The following ADGRB3 variants were observed in gnomAD, a reference collection of about 807,000 sequenced individuals.
ADGRB3 encodes brain-specific angiogenesis inhibitor 3.
Under a neutral mutation model 193.4 loss-of-function variants are expected in ADGRB3, and 37 were observed. The ratio of observed to expected loss-of-function variants is 0.19; its 90% CI spans 0.15 to 0.25. ADGRB3 has a LOEUF of 0.25. Ranked by LOEUF, ADGRB3 falls within the 10% of genes least tolerant of loss-of-function variation. ADGRB3 has a pLI of 1.00. For synonymous variants in ADGRB3, 690 were observed against 644.2 expected, an observed-to-expected ratio of 1.07 and a Z score of -1.08; for missense variants, 1,637 against 1,852.9, an observed-to-expected ratio of 0.88 and a Z score of 2.14.
intron 3 of ADGRB3, among the ~76,000 whole-genome samples, chr6:68,823,775 C>T (rs1767789932): frequency 1.3e-5 from 2 of 152,066 alleles, no homozygotes; most frequent in Admixed American, 1.3e-4. Context: ...CTTTATTAAG[C>T]TAAATAATCA....
intron 3 of ADGRB3, among the ~76,000 whole-genome samples, chr6:68,740,674 T>G (rs1765962569): frequency 6.6e-6 from 1 of 152,204 alleles, no homozygotes; most frequent in African/African-American, 2.4e-5. Flanking sequence ...AATATATGCA[T>G]GCAATGGTTT....
At chr6:69,111,505 G>A (rs1010144325) in intron 17 of ADGRB3, among the ~76,000 whole-genome samples, 1 of 152,164 alleles carries the variant, frequency 6.6e-6, no homozygotes, top group African/African-American at 2.4e-5. Context: ...AGATAAAACT[G>A]TCAAGTACGG....
intron 3 of ADGRB3, among the ~76,000 whole-genome samples, chr6:68,897,815 A>G (rs111410174): frequency 0.023 from 3,334 of 147,498 alleles, 131 homozygotes; most frequent in African/African-American, 0.081. Flanking sequence ...AAGAAAGAAG[A>G]AAAGGAAGGA....
chr6:69,332,022 T>A, intron 23 of ADGRB3: 1 of 985,380 alleles, frequency 1.0e-6, no homozygotes, highest in Non-Finnish European at 1.2e-6. Flanking sequence ...ACCATCTTCA[T>A]TGGCAGCAGG....
At chr6:68,988,919 A>T (rs572240652) in intron 10 of ADGRB3, among the ~76,000 whole-genome samples, 3 of 152,300 alleles carry the variant, frequency 2.0e-5, no homozygotes, top group Admixed American at 2.0e-4. Context: ...CCTTTCAGAA[A>T]TGGAAACTCC....
intron 17 of ADGRB3, among the ~76,000 whole-genome samples, chr6:69,174,487 A>G (rs1012105545): frequency 1.3e-5 from 2 of 152,150 alleles, no homozygotes; most frequent in African/African-American, 4.8e-5. Flanking sequence ...GACATTTTTT[A>G]TACAATCCAC....
chr6:69,379,550 T>C (rs961313597), intron 30 of ADGRB3, among the ~76,000 whole-genome samples: 3 of 152,050 alleles, frequency 2.0e-5, no homozygotes, highest in Admixed American at 2.0e-4. Flanking sequence ...TGCCCCAGAA[T>C]ATTGTTGGGT....
chr6:69,297,372 C>CTCTCTCTCTCTT (rs1767848011), intron 20 of ADGRB3, among the ~76,000 whole-genome samples: 1 of 85,348 alleles, frequency 1.2e-5, no homozygotes, highest in Non-Finnish European at 2.4e-5. Flanking sequence ...CTCTCTTTCT[C>CTCTCTCTCTCTT]TCTCTCTCTC....
At chr6:69,104,614 T>A (rs1444409793) in intron 17 of ADGRB3, among the ~76,000 whole-genome samples, 1 of 152,128 alleles carries the variant, frequency 6.6e-6, no homozygotes, top group Non-Finnish European at 1.5e-5. Context: ...AATATGTTGC[T>A]CTTTTCTATA....
intron 15 of ADGRB3, among the ~76,000 whole-genome samples, chr6:69,051,352 T>C (rs1475754267): frequency 1.3e-5 from 2 of 152,174 alleles, no homozygotes; most frequent in Admixed American, 1.3e-4. Flanking sequence ...CTTCAGAAAT[T>C]ATATTTTCAT....
chr6:68,986,772 G>A (rs964129119), intron 10 of ADGRB3, among the ~76,000 whole-genome samples: 5 of 152,170 alleles, frequency 3.3e-5, no homozygotes, highest in African/African-American at 1.2e-4. Flanking sequence ...CAGATGGGCT[G>A]TAGGAGTTGA....
At chr6:69,358,695 A>G (rs960439940) in intron 28 of ADGRB3, among the ~76,000 whole-genome samples, 1 of 151,784 alleles carries the variant, frequency 6.6e-6, no homozygotes, top group Non-Finnish European at 1.5e-5. Context: ...CCAAATATTC[A>G]GTTGCTTTAT....
At chr6:69,009,382 G>T (rs928468119) in intron 11 of ADGRB3, among the ~76,000 whole-genome samples, 10 of 152,086 alleles carry the variant, frequency 6.6e-5, no homozygotes, top group African/African-American at 2.4e-4. Flanking sequence ...ATAATAAAAG[G>T]TTGTCTGAGT....
At chr6:68,698,789 G>A (rs1179072102) in intron 3 of ADGRB3, among the ~76,000 whole-genome samples, 2 of 152,026 alleles carry the variant, frequency 1.3e-5, no homozygotes, top group African/African-American at 4.8e-5. Flanking sequence ...TAAATAGACG[G>A]TGTTGTGATC....
intron 17 of ADGRB3, among the ~76,000 whole-genome samples, chr6:69,212,584 C>G (rs1407333668): frequency 6.6e-6 from 1 of 152,064 alleles, no homozygotes; most frequent in Non-Finnish European, 1.5e-5. Flanking sequence ...TTTTATTCCT[C>G]CAGACATTCA....
At chr6:68,835,327 T>C (rs930079370) in intron 3 of ADGRB3, among the ~76,000 whole-genome samples, 4 of 152,184 alleles carry the variant, frequency 2.6e-5, no homozygotes, top group African/African-American at 7.2e-5. Context: ...ATCACTGGAA[T>C]ATTTGAAGTA....
At chr6:69,262,422 A>G (rs1433679471) in intron 20 of ADGRB3, among the ~76,000 whole-genome samples, 1 of 151,932 alleles carries the variant, frequency 6.6e-6, no homozygotes, top group Non-Finnish European at 1.5e-5. Flanking sequence ...TGCTCTTATT[A>G]GTAACAATTC....
intron 11 of ADGRB3, among the ~76,000 whole-genome samples, chr6:68,997,505 A>C (rs1769420963): frequency 6.6e-6 from 1 of 150,620 alleles, no homozygotes; most frequent in Non-Finnish European, 1.5e-5. Flanking sequence ...AAAAAAAAAA[A>C]AAAAGCAGTG....
intron 24 of ADGRB3, 41 bp from the exon 25 acceptor site, chr6:69,338,875 C>A: frequency 1.9e-6 from 3 of 1,560,010 alleles, no homozygotes; most frequent in Non-Finnish European, 2.6e-6. Flanking sequence ...GGTGACAATT[C>A]AATATTTTGT....
Sources: gnomAD v4.1 joint callset for allele counts (sites outside exome capture counted in the v4.1 genomes callset) on GRCh38, gnomAD v4.1.1 for gene constraint, MANE v1.5 for transcripts, NCBI Gene and HGNC (gene_info 2026-07-23, HGNC 2026-07-21) for gene names.